The following RIC1 variants were observed in gnomAD, a reference collection of about 807,000 sequenced individuals.
The protein encoded by RIC1 is RIC1 partner of RAB6A GEF complex, also known as guanine nucleotide exchange factor subunit RIC1.
RIC1 carries 88 observed loss-of-function variants against 169.0 expected under a neutral mutation model. The ratio of observed to expected loss-of-function variants is 0.52; its 90% confidence interval spans 0.44 to 0.62. The LOEUF (loss-of-function observed/expected upper bound fraction) is 0.62, where lower values mean the gene tolerates loss of function less well. RIC1 is among the 20% of genes least tolerant of loss of function. The pLI is 0.00. For synonymous variants in RIC1, 790 were observed against 601.5 expected, an observed-to-expected ratio of 1.31 and a Z score of -4.59; for missense variants, 1,877 against 1,725.5, an observed-to-expected ratio of 1.09 and a Z score of -1.56.
At chr9:5,749,446 G>T (rs1205904102) in intron 12 of RIC1, among the ~76,000 whole-genome samples, 1 of 152,118 alleles carries the variant, frequency 6.6e-6, no homozygotes, top group Non-Finnish European at 1.5e-5. Context: ...TAGTTGCCTG[G>T]TTTAATTTGC....
chr9:5,717,550 T>A (rs746957047), intron 4 of RIC1, among the ~76,000 whole-genome samples: 4 of 152,076 alleles, frequency 2.6e-5, no homozygotes, highest in Non-Finnish European at 5.9e-5. Context: ...AAGTTAAAAG[T>A]TCAGTTCTTG....
intron 3 of RIC1, 50 bp downstream of exon 3, chr9:5,690,088 A>G (rs1821506406): frequency 8.0e-7 from 1 of 1,246,504 alleles, no homozygotes; most frequent in Non-Finnish European, 1.1e-6. Context: ...CATACTTTAT[A>G]TTCAGAAAAA....
At position 5,742,364 on chromosome 9, in the gene RIC1, A is replaced by G. The variant is rs149707524; in HGVS notation, c.902-505A>G. 8.3e-3 allele frequency among the ~76,000 whole-genome samples: 1,257 copies of G among 152,202 alleles called. 14 individuals are homozygous for G. Among genetic ancestry groups the G allele is most frequent in the African/African-American group, 0.029 (1,209 of 41,528 alleles). ...CTCAGTATTTTTTATTGTTTTGAGGATTTAAGTATTCTATTCACCATCTTA... is the reference window on the plus strand; with the variant it reads ...CTCAGTATTTTTTATTGTTTTGAGGGTTTAAGTATTCTATTCACCATCTTA... On this transcript the variant is annotated intron_variant, in intron 8 of 25. Coordinates refer to ENST00000414202, the MANE Select transcript of RIC1 (RefSeq NM_020829.4).
chr9:5,717,344 G>T (rs1444725093), intron 4 of RIC1, among the ~76,000 whole-genome samples: 1 of 152,116 alleles, frequency 6.6e-6, no homozygotes, highest in Non-Finnish European at 1.5e-5. Context: ...AGGGGAGAGG[G>T]AGAATGTAGT....
chr9:5,661,679 T>A (rs1819460607), intron 2 of RIC1, among the ~76,000 whole-genome samples: 1 of 152,216 alleles, frequency 6.6e-6, no homozygotes, highest in South Asian at 2.1e-4. Flanking sequence ...GCACATTAAT[T>A]TTCTATCCTT....
intron 2 of RIC1, among the ~76,000 whole-genome samples, chr9:5,671,425 G>C (rs537509468): frequency 6.6e-6 from 1 of 151,874 alleles, no homozygotes; most frequent in Non-Finnish European, 1.5e-5. Flanking sequence ...ACAGGTGCTC[G>C]CCACCAGGCC....
At chr9:5,637,426 T>A (rs1818023840) in intron 1 of RIC1, among the ~76,000 whole-genome samples, 1 of 152,086 alleles carries the variant, frequency 6.6e-6, no homozygotes, top group South Asian at 2.1e-4. Context: ...AAAAATAGGG[T>A]ATTCATCCCC....
chr9:5,682,923 A>G (rs1820948365), intron 2 of RIC1, among the ~76,000 whole-genome samples: 1 of 151,858 alleles, frequency 6.6e-6, no homozygotes, highest in African/African-American at 2.4e-5. Flanking sequence ...TTCATCTTCC[A>G]TCGCTGATAC....
Position 5,629,355 on chromosome 9 carries a change from G to A in RIC1, c.46G>A (p.Gly16Arg), listed in dbSNP as rs989928719. 1.0e-5 allele frequency: 16 copies of A among 1,534,172 alleles called. No homozygotes were observed. Among genetic ancestry groups the A allele is most frequent in the Middle Eastern group, 1.7e-4 (1 of 6,000 alleles). Residue 16 changes from glycine (G) to arginine (R), a missense_variant, in exon 1 of 26, where the codon GGG becomes AGG. By Grantham distance (125) the Gly-to-Arg change is moderately radical. Transcript: ENST00000414202. ...GCCCAAGAGGCTGCTGTGCCCTCTG[G>A]GGAGCCCGGCCGAGGCGCCTTTCCA... is the stretch of plus-strand genomic sequence containing the variant. ...GWPKRLLCPL[G>R]SPAEAPFHVQ...
At chr9:5,737,579 A>G (rs6476998) in intron 7 of RIC1, among the ~76,000 whole-genome samples, 142,587 of 150,558 alleles carry the variant, frequency 0.95, 67,585 homozygotes, top group African/African-American at 0.98. Flanking sequence ...GTTTATATTT[A>G]CTATGCTTTT....
chr9:5,657,484 T>C (rs1214798409), intron 2 of RIC1, among the ~76,000 whole-genome samples: 1 of 152,164 alleles, frequency 6.6e-6, no homozygotes, highest in Non-Finnish European at 1.5e-5. Flanking sequence ...TTGAAGTAGA[T>C]ATTATTATCC....
intron 17 of RIC1, among the ~76,000 whole-genome samples, chr9:5,757,827 G>A (rs1826095097): frequency 6.6e-6 from 1 of 152,152 alleles, no homozygotes; most frequent in African/African-American, 2.4e-5. Context: ...GAACAGTAGT[G>A]CAAAGGCCCA....
At chr9:5,705,082 T>C (rs1245699768) in intron 3 of RIC1, among the ~76,000 whole-genome samples, 1 of 152,178 alleles carries the variant, frequency 6.6e-6, no homozygotes, top group Non-Finnish European at 1.5e-5. Flanking sequence ...GTAGGTTTTG[T>C]GATCAGGAAA....
At chr9:5,720,792 C>T (rs372572441) in intron 6 of RIC1, 42 bp downstream of exon 6, 29 of 1,466,406 alleles carry the variant, frequency 2.0e-5, no homozygotes, top group East Asian at 1.9e-4. Flanking sequence ...TTATTGTGTA[C>T]TTATTTTATT....
intron 6 of RIC1, among the ~76,000 whole-genome samples, chr9:5,721,982 G>A (rs1315449377): frequency 1.3e-5 from 2 of 151,088 alleles, no homozygotes; most frequent in East Asian, 3.9e-4. Context: ...TCCGCCTCTC[G>A]GGTTCAAGCG....
intron 6 of RIC1, among the ~76,000 whole-genome samples, chr9:5,732,123 T>G (rs1824404927): frequency 6.6e-6 from 1 of 152,208 alleles, no homozygotes; most frequent in African/African-American, 2.4e-5. Flanking sequence ...TTTCCATATT[T>G]TAGTGTTTTT....
intron 1 of RIC1, among the ~76,000 whole-genome samples, chr9:5,646,896 T>A (rs1253544373): frequency 2.6e-5 from 4 of 152,224 alleles, no homozygotes; most frequent in African/African-American, 9.7e-5. Flanking sequence ...TCCAAAGTCA[T>A]GAAGTTTTTG....
chr9:5,670,903 T>C (rs769845007), intron 2 of RIC1, among the ~76,000 whole-genome samples: 2 of 152,026 alleles, frequency 1.3e-5, no homozygotes, highest in Non-Finnish European at 2.9e-5. Flanking sequence ...CAGTCAGAGG[T>C]GTGGAAAATG....
At chr9:5,705,350 C>T (rs1031725209) in intron 3 of RIC1, among the ~76,000 whole-genome samples, 9 of 152,054 alleles carry the variant, frequency 5.9e-5, no homozygotes, top group Middle Eastern at 3.4e-3. Context: ...AATTTATTTA[C>T]GCATACAACT....
Sources: gnomAD v4.1 joint callset for allele counts (sites outside exome capture counted in the v4.1 genomes callset) on GRCh38, gnomAD v4.1.1 for gene constraint, MANE v1.5 for transcripts, NCBI Gene and HGNC (gene_info 2026-07-23, HGNC 2026-07-21) for gene names.